The following SPAG6 variants were observed in gnomAD, a reference collection of about 807,000 sequenced individuals.
The protein encoded by SPAG6 is sperm-associated antigen 6.
A neutral mutation model predicts 58.5 loss-of-function variants in SPAG6; 49 were observed. The observed-to-expected ratio is 0.84, with a 90% CI of 0.67 to 1.06. SPAG6 has a LOEUF of 1.06. Ranked by LOEUF, SPAG6 falls within the 50% of genes least tolerant of loss-of-function variation. The pLI, the probability that SPAG6 is intolerant of heterozygous loss-of-function variation, is 0.00. For synonymous variants in SPAG6, 233 were observed against 225.6 expected, an observed-to-expected ratio of 1.03 and a Z score of -0.29; for missense variants, 560 against 611.3, an observed-to-expected ratio of 0.92 and a Z score of 0.89.
chr10:22,382,485 G>C (rs1025366991), intron 4 of SPAG6, among the ~76,000 whole-genome samples: 1 of 151,874 alleles, frequency 6.6e-6, no homozygotes, highest in South Asian at 2.1e-4. Context: ...CTTTAATAAG[G>C]GTCTGAATTA....
chr10:22,382,015 A>G (rs937150233), intron 4 of SPAG6, among the ~76,000 whole-genome samples: 2 of 152,244 alleles, frequency 1.3e-5, no homozygotes, highest in African/African-American at 4.8e-5. Context: ...CCAAAAACCC[A>G]GATTCCAAGA....
At chr10:22,382,435 GATAA>G (rs1440242814) in intron 4 of SPAG6, among the ~76,000 whole-genome samples, 5 of 152,180 alleles carry the variant, frequency 3.3e-5, no homozygotes, top group African/African-American at 1.2e-4. Flanking sequence ...AAAGGTTAAA[GATAA>G]ATAACCCCTA....
intron 7 of SPAG6, among the ~76,000 whole-genome samples, chr10:22,391,458 T>G (rs1588662802): frequency 6.6e-6 from 1 of 152,204 alleles, no homozygotes; most frequent in Non-Finnish European, 1.5e-5. Flanking sequence ...GTGACATCTG[T>G]TGTCTGGTTA....
intron 4 of SPAG6, among the ~76,000 whole-genome samples, chr10:22,375,934 A>T (rs1368030160): frequency 1.3e-5 from 2 of 152,088 alleles, no homozygotes; most frequent in Admixed American, 1.3e-4. Context: ...CTGTGCTATA[A>T]CTAGCCACAG....
At chr10:22,409,816 A>C (rs546643373) in intron 9 of SPAG6, among the ~76,000 whole-genome samples, 14 of 151,864 alleles carry the variant, frequency 9.2e-5, no homozygotes, top group Admixed American at 3.9e-4. Context: ...AAATTTCTTC[A>C]TTTCCACTGG....
intron 9 of SPAG6, among the ~76,000 whole-genome samples, chr10:22,403,490 T>G (rs1484692197): frequency 6.6e-6 from 1 of 152,250 alleles, no homozygotes; most frequent in African/African-American, 2.4e-5. Flanking sequence ...CTTCATACTA[T>G]TCCATGGTGT....
chr10:22,394,806 A>G (rs1030546115), intron 8 of SPAG6, among the ~76,000 whole-genome samples: 13 of 152,318 alleles, frequency 8.5e-5, no homozygotes, highest in Non-Finnish European at 1.6e-4. Flanking sequence ...TCCTGGGCCC[A>G]AGTGATCCTC....
At chr10:22,393,182 C>A (rs11012980) in intron 8 of SPAG6, among the ~76,000 whole-genome samples, 25,272 of 152,104 alleles carry the variant, frequency 0.17, 6,293 homozygotes, top group African/African-American at 0.54. Context: ...TAACCTATAT[C>A]TGTAGTCCTC....
At chr10:22,406,842 T>G (rs1408718502) in intron 9 of SPAG6, among the ~76,000 whole-genome samples, 19 of 152,064 alleles carry the variant, frequency 1.2e-4, no homozygotes, top group Admixed American at 6.5e-4. Context: ...GCATATATAT[T>G]TAGGATAGTT....
chr10:22,394,911 GT>G (rs1834260113), intron 8 of SPAG6, among the ~76,000 whole-genome samples: 1 of 151,978 alleles, frequency 6.6e-6, no homozygotes, highest in Non-Finnish European at 1.5e-5. Context: ...GGGTCTCACT[GT>G]GTTGCCCAGG....
chr10:22,376,453 A>G (rs919173093), intron 4 of SPAG6, among the ~76,000 whole-genome samples: 1 of 152,194 alleles, frequency 6.6e-6, no homozygotes, highest in Non-Finnish European at 1.5e-5. Context: ...TATGTAGATA[A>G]TATTTCTATT....
intron 6 of SPAG6, 60 bp from the exon 7 acceptor site, chr10:22,389,100 A>G (rs1834128249): frequency 3.4e-6 from 5 of 1,465,664 alleles, no homozygotes; most frequent in Non-Finnish European, 4.7e-6. Flanking sequence ...GGCAATATTA[A>G]ACTGTATTTA....
At chr10:22,384,065 G>A (rs1053050976) in intron 4 of SPAG6, among the ~76,000 whole-genome samples, 1 of 152,204 alleles carries the variant, frequency 6.6e-6, no homozygotes. Context: ...TTCAGAGTAA[G>A]GGCAGTTCCA....
intron 4 of SPAG6, among the ~76,000 whole-genome samples, chr10:22,378,940 C>CCAGAATTATTTCGCCTTTAAAGCA (rs1564369658): frequency 6.6e-6 from 1 of 152,098 alleles, no homozygotes; most frequent in Non-Finnish European, 1.5e-5. Context: ...TTTAAAGGAG[C>CCAGAATTATTTCGCCTTTAAAGCA]CAGAATTATT....
At chr10:22,410,443 G>A (rs781075853) in intron 9 of SPAG6, among the ~76,000 whole-genome samples, 12 of 152,158 alleles carry the variant, frequency 7.9e-5, no homozygotes, top group Admixed American at 5.2e-4. Context: ...AACTCATCCT[G>A]GGATAAGGGG....
At chr10:22,361,371 A>T (rs1837033205) in intron 2 of SPAG6, 1 of 152,284 alleles carries the variant, frequency 6.6e-6, no homozygotes, top group African/African-American at 2.4e-5. Context: ...AGTGAGCCAG[A>T]TGCAATAGAA....
At position 22,345,606 on chromosome 10, in the gene SPAG6, G is replaced by T; in HGVS notation, c.-6G>T. ...CTCGAGGAGGGCAGACGGCGGCGGG[G>T]GCGCCATGAGTCAGAGGCAGGTGCT... On this transcript the variant is annotated 5_prime_UTR_variant, in exon 1 of 11. Transcript: ENST00000376624. The surrounding 1 kb of genome is among the most constrained non-coding windows in gnomAD (Gnocchi z 6.3). The T allele has an allele frequency of 6.5e-7, 1 of 1,528,358 alleles. No individual in the cohort carries two copies. The highest frequency in any genetic ancestry group is 8.8e-7 in the Non-Finnish European group (1 of 1,139,618). 94.7% of individuals were successfully genotyped at this position (1,528,358 alleles called of 1,614,324 possible). A position where few individuals can be genotyped will look rare whatever the true frequency, so the allele number is the denominator to read the frequency against.
chr10:22,359,115 C>T (rs1836957668), intron 2 of SPAG6, among the ~76,000 whole-genome samples: 1 of 152,162 alleles, frequency 6.6e-6, no homozygotes, highest in African/African-American at 2.4e-5. Context: ...ATTTGTAAAG[C>T]ATGAAGTTTC....
At chr10:22,388,488 G>T (rs1834117168) in intron 6 of SPAG6, among the ~76,000 whole-genome samples, 1 of 152,116 alleles carries the variant, frequency 6.6e-6, no homozygotes, top group South Asian at 2.1e-4. Flanking sequence ...AAATCACAAA[G>T]GTCCCCTGGC....
Sources: gnomAD v4.1 joint callset for allele counts (sites outside exome capture counted in the v4.1 genomes callset) on GRCh38, gnomAD v4.1.1 for gene constraint, Gnocchi (gnomAD v3.1) non-coding constraint, MANE v1.5 for transcripts, NCBI Gene and HGNC (gene_info 2026-07-23, HGNC 2026-07-21) for gene names.